Variants in RPGRIP1 observed in about 807,000 individuals in gnomAD.
RPGRIP1 encodes RPGR interacting protein 1.
A neutral mutation model predicts 157.9 loss-of-function variants in RPGRIP1; 128 were observed. That is an observed-to-expected ratio of 0.81 (90% CI 0.70 to 0.94). RPGRIP1 has a LOEUF of 0.94. RPGRIP1 is among the 40% of genes least tolerant of loss of function. The probability of loss-of-function intolerance (pLI) is 0.00; values close to 1 mark genes in which losing one functional copy is unlikely to be tolerated. For synonymous variants in RPGRIP1, 554 were observed against 571.6 expected, an observed-to-expected ratio of 0.97 and a Z score of 0.44; for missense variants, 1,486 against 1,545.8, an observed-to-expected ratio of 0.96 and a Z score of 0.65.
intron 7 of RPGRIP1, among the ~76,000 whole-genome samples, chr14:21,309,590 A>T (rs895114034): frequency 2.6e-5 from 4 of 152,198 alleles, no homozygotes; most frequent in Admixed American, 2.6e-4. Flanking sequence ...GCTTGTGTTA[A>T]TAAGTGTGTA....
intron 10 of RPGRIP1, among the ~76,000 whole-genome samples, chr14:21,313,266 C>G (rs1377056091): frequency 2.0e-5 from 3 of 149,814 alleles, no homozygotes; most frequent in African/African-American, 7.4e-5. Flanking sequence ...CTTAGGGAGG[C>G]AGAGGTGGGA....
chr14:21,323,623 T>C (rs80189732), intron 14 of RPGRIP1, among the ~76,000 whole-genome samples: 3,990 of 152,198 alleles, frequency 0.026, 170 homozygotes, highest in African/African-American at 0.091. Flanking sequence ...CTTTTGAGAA[T>C]TGACCGTTCC....
chr14:21,297,881 T>TTTCTTTCTTTCTTTC (rs1555365068), intron 3 of RPGRIP1, among the ~76,000 whole-genome samples: 619 of 17,660 alleles, frequency 0.035, 5 homozygotes, highest in African/African-American at 0.067. Flanking sequence ...TTCTTTCTTT[T>TTTCTTTCTTTCTTTC]TTTTGAGATA....
intron 10 of RPGRIP1, among the ~76,000 whole-genome samples, chr14:21,315,587 G>C (rs1010965387): frequency 4.6e-5 from 7 of 151,582 alleles, no homozygotes; most frequent in Non-Finnish European, 1.0e-4. Context: ...AGGTCTTACG[G>C]GAGCATCTGG....
chr14:21,335,370 C>T (rs947056936), intron 21 of RPGRIP1, among the ~76,000 whole-genome samples: 2 of 151,964 alleles, frequency 1.3e-5, no homozygotes, highest in Non-Finnish European at 2.9e-5. Flanking sequence ...AACGGGTTTG[C>T]TTTGGGAGAT....
intron 14 of RPGRIP1, among the ~76,000 whole-genome samples, chr14:21,323,587 A>G (rs948983527): frequency 5.9e-5 from 9 of 152,086 alleles, no homozygotes; most frequent in Non-Finnish European, 7.4e-5. Flanking sequence ...GAGTTTTTCT[A>G]TGTTCACCAG....
chr14:21,309,055 A>G (rs1345710423), intron 7 of RPGRIP1, among the ~76,000 whole-genome samples: 2 of 152,228 alleles, frequency 1.3e-5, no homozygotes, highest in Non-Finnish European at 2.9e-5. Flanking sequence ...CTGTATTTGC[A>G]TATCAAAGGT....
intron 11 of RPGRIP1, chr14:21,318,216 C>T (rs1352861940): frequency 4.5e-6 from 2 of 447,822 alleles, no homozygotes; most frequent in African/African-American, 4.0e-5. Flanking sequence ...AAGCGATTCT[C>T]CTATCTCAGC....
Position 21,281,938 on chromosome 14 carries a change from A to G in RPGRIP1, c.-39+1779A>G, listed in dbSNP as rs547411015. On this transcript the variant is annotated intron_variant, in intron 1 of 24. Coordinates refer to ENST00000400017, the MANE Select transcript of RPGRIP1 (RefSeq NM_020366.4). Reference sequence around the variant, plus strand: ...TGAAATCTTGTCTCTACTAAAAAATACAAAAAATTAGCTGGGCATGGTGGC... The same window carrying G: ...TGAAATCTTGTCTCTACTAAAAAATGCAAAAAATTAGCTGGGCATGGTGGC... Among the ~76,000 whole-genome samples the G allele has an allele frequency of 3.0e-3, 450 of 151,850 alleles. 3 individuals carry two copies. The Middle Eastern group carries it at 0.041, about 14-fold the overall frequency.
intron 21 of RPGRIP1, among the ~76,000 whole-genome samples, chr14:21,339,206 G>C (rs539302686): frequency 6.6e-6 from 1 of 152,024 alleles, no homozygotes; most frequent in Admixed American, 6.5e-5. Context: ...CTAGCACTTT[G>C]GGAGGCCGAG....
chr14:21,328,317 C>A, intron 18 of RPGRIP1, 107 bp from the exon 19 acceptor site: 1 of 784,832 alleles, frequency 1.3e-6, no homozygotes, highest in Non-Finnish European at 2.1e-6. Context: ...TTTCTCAGCT[C>A]CATGAGGAGA....
intron 10 of RPGRIP1, among the ~76,000 whole-genome samples, chr14:21,314,482 T>G (rs1881679478): frequency 6.6e-6 from 1 of 152,134 alleles, no homozygotes; most frequent in South Asian, 2.1e-4. Flanking sequence ...CCTGGCATGG[T>G]GGCTCATTCC....
chr14:21,284,743 G>C (rs1255563342), intron 1 of RPGRIP1, among the ~76,000 whole-genome samples: 2 of 151,848 alleles, frequency 1.3e-5, no homozygotes. Context: ...GTAGAGACAG[G>C]GTTTCACCAT....
chr14:21,325,530 C>T (rs1882988191), intron 16 of RPGRIP1, 147 bp downstream of exon 16: 2 of 833,114 alleles, frequency 2.4e-6, no homozygotes, highest in Non-Finnish European at 3.7e-6. Flanking sequence ...GGATTATTCC[C>T]TTGGTCAGGC....
At chr14:21,298,154 T>A (rs1270977935) in intron 3 of RPGRIP1, among the ~76,000 whole-genome samples, 8 of 152,066 alleles carry the variant, frequency 5.3e-5, no homozygotes. Flanking sequence ...TGTATCATTC[T>A]ATCATGGTTT....
chr14:21,309,365 A>C (rs1308154171), intron 7 of RPGRIP1, among the ~76,000 whole-genome samples: 1 of 152,074 alleles, frequency 6.6e-6, no homozygotes, highest in Non-Finnish European at 1.5e-5. Flanking sequence ...TAGAAAAATT[A>C]GACAGGCATC....
At chr14:21,317,396 T>A (rs1462339640) in intron 10 of RPGRIP1, 1 of 573,968 alleles carries the variant, frequency 1.7e-6, no homozygotes, top group African/African-American at 1.9e-5. Context: ...TGATACATAG[T>A]TCCCTGACTA....
intron 24 of RPGRIP1, among the ~76,000 whole-genome samples, chr14:21,350,756 C>G (rs1886178154): frequency 6.6e-6 from 1 of 152,194 alleles, no homozygotes. Flanking sequence ...TATTTTCCAA[C>G]TCACTCCTAT....
rs1886241690 is a variant in RPGRIP1 at position 21,351,144 on chromosome 14, G to T, written c.3789G>T (p.Leu1263=). 9 of 1,612,644 alleles carry T rather than the reference G, an allele frequency of 5.6e-6. No individual in the cohort carries two copies. Among genetic ancestry groups the T allele is most frequent in the Non-Finnish European group, 7.6e-6 (9 of 1,179,374 alleles). The change falls in exon 25 of 25, where the codon CTG becomes CTT. Residue 1263 remains leucine, a synonymous_variant. Transcript: ENST00000400017. ...PEDLATPIGR[L]KVSLQAAAVL... ...ATCTGGCTACCCCAATAGGAAGGCT[G>T]AAGGTTTCCCTTCAAGCAGCTGCTG...
Sources: allele counts gnomAD v4.1 joint callset (sites outside exome capture counted in the v4.1 genomes callset), GRCh38; gene constraint gnomAD v4.1.1; transcripts MANE v1.5; gene names NCBI Gene and HGNC (gene_info 2026-07-23, HGNC 2026-07-21).